Variants in ADGRV1 observed in about 807,000 individuals in gnomAD.
ADGRV1 encodes the protein adhesion G protein-coupled receptor V1, also known as G-protein coupled receptor 98.
ADGRV1 carries 359 observed loss-of-function variants against 596.2 expected under a neutral mutation model. That is an observed-to-expected ratio of 0.60 (90% confidence interval 0.55 to 0.66). The LOEUF (loss-of-function observed/expected upper bound fraction) is 0.66. ADGRV1 is among the 30% of genes least tolerant of loss of function. The probability of loss-of-function intolerance (pLI) is 0.00; values close to 1 mark genes in which losing one functional copy is unlikely to be tolerated. For missense variants in ADGRV1, 7,274 were observed against 7,575.6 expected, an observed-to-expected ratio of 0.96 and a Z score of 1.48; for synonymous variants, 2,681 against 2,679.2, an observed-to-expected ratio of 1.00 and a Z score of -0.02.
At chr5:90,986,636 G>A (rs1179800009) in intron 85 of ADGRV1, among the ~76,000 whole-genome samples, 2 of 150,990 alleles carry the variant, frequency 1.3e-5, no homozygotes, top group African/African-American at 4.9e-5. Context: ...TCTTTTTATT[G>A]AAATTCAAAA....
At chr5:90,840,480 G>GT in intron 77 of ADGRV1, 98 bp from the exon 78 acceptor site, 1 of 1,019,202 alleles carries the variant, frequency 9.8e-7, no homozygotes, top group Non-Finnish European at 1.4e-6. Context: ...CCTTCAGTTT[G>GT]TTTAAGAGAA....
intron 85 of ADGRV1, among the ~76,000 whole-genome samples, chr5:91,028,905 T>C (rs1581835017): frequency 6.6e-6 from 1 of 151,744 alleles, no homozygotes; most frequent in East Asian, 1.9e-4. Flanking sequence ...TGTGGCTAAG[T>C]TTTTTTTATT....
chr5:90,653,388 T>G lies in ADGRV1; in HGVS notation c.3814T>G (p.Leu1272Val). 1.2e-6 allele frequency: 2 copies of G among 1,613,972 alleles called. No individual in the cohort carries two copies. Among genetic ancestry groups the G allele is most frequent in the Non-Finnish European group, 1.7e-6 (2 of 1,179,884 alleles). The change falls in exon 20 of 90, where the codon TTG becomes GTG. Residue 1272 changes from leucine to valine, a missense_variant. Around this residue, in one of 5 missense-constraint regions of ADGRV1, gnomAD observed 1,715 missense variants for 1,708.8 expected, o/e 1.00. Coordinates refer to ENST00000405460, the MANE Select transcript of ADGRV1 (RefSeq NM_032119.4). ...GTCTTATATTACCAACTTCACCATT[T>G]TGAGGCAGCAGGGTGTGTTTGGTGA... Reference protein sequence around the residue: ...DMSYITNFTILRQQGVFGDVQ... With the variant: ...DMSYITNFTIVRQQGVFGDVQ...
Position 91,132,180 on chromosome 5 carries a change from A to G in ADGRV1, c.18433-17850A>G, listed in dbSNP as rs1794275682. 2.0e-5 allele frequency among the ~76,000 whole-genome samples: 3 copies of G among 152,324 alleles called. No homozygotes were observed. The East Asian group carries it at 5.8e-4, about 29-fold the overall frequency. On this transcript the variant is annotated intron_variant, in intron 87 of 89. Coordinates refer to ENST00000405460, the MANE Select transcript of ADGRV1 (RefSeq NM_032119.4). ...GATTCTTGACTCTCACTGGCTACCT[A>G]AATGATCATTTGTCATTAGTTTACT...
At chr5:90,777,758 G>A in intron 61 of ADGRV1, 147 bp from the exon 62 acceptor site, 1 of 681,174 alleles carries the variant, frequency 1.5e-6, no homozygotes. Flanking sequence ...GACTTCCTTT[G>A]GTTTATAGTT....
intron 1 of ADGRV1, among the ~76,000 whole-genome samples, chr5:90,578,185 G>A (rs555360953): frequency 6.8e-4 from 104 of 152,318 alleles, no homozygotes; most frequent in African/African-American, 2.5e-3. Context: ...TCCTTGTCTT[G>A]TGCTGGTTTT....
chr5:90,694,453 C>T lies in ADGRV1; in HGVS notation c.7697C>T (p.Ser2566Phe). Residue 2566 changes from serine (S) to phenylalanine (F), a missense_variant, in exon 33 of 90, where the codon TCT (serine) becomes TTT (phenylalanine). This residue lies in a region of ADGRV1 where 3,643 missense variants were observed against 3,809.2 expected (regional missense o/e 0.96). Transcript: ENST00000405460. ...NQPTIGQPNISTVVIALNGDA... is the reference protein window; with the variant it reads ...NQPTIGQPNIFTVVIALNGDA... ...CCAACCATAGGACAGCCAAATATTT[C>T]TACAGTTGTCATAGCACTAAATGGT... 6.2e-7 allele frequency: 1 copy of T among 1,613,964 alleles called. No individual in the cohort carries two copies. The highest frequency in any genetic ancestry group is 1.7e-5 in the Admixed American group (1 of 60,012).
At chr5:90,880,055 T>A (rs543119006) in intron 83 of ADGRV1, among the ~76,000 whole-genome samples, 6 of 152,282 alleles carry the variant, frequency 3.9e-5, no homozygotes, top group Admixed American at 2.0e-4. Context: ...AATGGTATTA[T>A]TAATAATATT....
At chr5:90,703,530 A>C in intron 34 of ADGRV1, 135 bp from the exon 35 acceptor site, 2 of 599,476 alleles carry the variant, frequency 3.3e-6, no homozygotes, top group Non-Finnish European at 5.6e-6. Context: ...TAGAAAATTC[A>C]AAACAAAACA....
intron 83 of ADGRV1, among the ~76,000 whole-genome samples, chr5:90,879,727 G>T (rs1308645429): frequency 6.6e-6 from 1 of 151,974 alleles, no homozygotes; most frequent in Non-Finnish European, 1.5e-5. Flanking sequence ...CAGGCAAATC[G>T]CTTGAGGTCA....
chr5:90,823,987 C>T (rs1325212776), intron 76 of ADGRV1, among the ~76,000 whole-genome samples: 1 of 152,094 alleles, frequency 6.6e-6, no homozygotes, highest in Non-Finnish European at 1.5e-5. Flanking sequence ...AATAAATGAA[C>T]ACATGCTTAA....
rs1554088550 is a variant in ADGRV1, at chr5:90,704,402, C to T, written c.8300C>T (p.Thr2767Ile). 1 of 1,572,574 alleles carries T rather than the reference C, an allele frequency of 6.4e-7. No individual in the cohort carries two copies. The highest frequency in any genetic ancestry group is 1.2e-5 in the South Asian group (1 of 84,514). Residue 2767 changes from threonine (T) to isoleucine (I), a missense_variant, in exon 36 of 90, where the codon ACA becomes ATA. Physicochemically the swap from Thr to Ile is moderately conservative, Grantham distance 89. Around this residue, in one of 5 missense-constraint regions of ADGRV1, gnomAD observed 3,643 missense variants for 3,809.2 expected, o/e 0.96. Transcript: ENST00000405460. ...QLFFPEGSLN[T>I]TLFVHLLDDN... is the part of the protein sequence containing the mutation. ...TGTATGACATAGGGGTCGTTGAATA[C>T]AACATTGTTTGTGCATTTGTTGGAT...
intron 85 of ADGRV1, among the ~76,000 whole-genome samples, chr5:91,029,825 A>G (rs1480648710): frequency 6.6e-6 from 1 of 152,132 alleles, no homozygotes; most frequent in Non-Finnish European, 1.5e-5. Context: ...TGATACAGTC[A>G]TATTAACCAA....
chr5:90,570,221 C>G (rs1032412348), intron 1 of ADGRV1, among the ~76,000 whole-genome samples: 15 of 152,058 alleles, frequency 9.9e-5, no homozygotes, highest in African/African-American at 3.6e-4. Flanking sequence ...CATATAGTAT[C>G]CTTGGTTTAT....
Position 90,829,195 on chromosome 5 carries a change from G to A in ADGRV1, c.16611+9G>A. The A allele has an allele frequency of 6.7e-7, 1 of 1,485,038 alleles. No homozygotes were observed. The highest frequency in any genetic ancestry group is 1.8e-4 in the Middle Eastern group (1 of 5,478). 92.0% of individuals were successfully genotyped at this position (1,485,038 alleles called of 1,614,324 possible). On this transcript the variant is annotated intron_variant, in intron 77 of 89. Coordinates refer to ENST00000405460, the MANE Select transcript of ADGRV1 (RefSeq NM_032119.4). ...TTAACTTTAGTACCCAGGTAAGCAT[G>A]GAATATATATATTCATACACGTTAT... is the stretch of plus-strand genomic sequence containing the variant.
At position 90,712,313 on chromosome 5, in the gene ADGRV1, G is replaced by A; in HGVS notation, c.9069G>A (p.Arg3023=). The change falls in exon 42 of 90, where the codon AGG becomes AGA. Residue 3023 remains arginine (R), a synonymous_variant. Coordinates refer to ENST00000405460, the MANE Select transcript of ADGRV1 (RefSeq NM_032119.4). ...TTCTTCATTTTGCTGATGGAGAAAG[G>A]TATAAAAATGTCAATATCATGATTC... ...PMILHFADGE[R]YKNVNIMILD... 6.4e-7 allele frequency: 1 copy of A among 1,551,138 alleles called. No individual in the cohort carries two copies. Among genetic ancestry groups the A allele is most frequent in the Non-Finnish European group, 8.7e-7 (1 of 1,144,052 alleles).
intron 83 of ADGRV1, among the ~76,000 whole-genome samples, chr5:90,907,027 G>A (rs1235769553): frequency 6.6e-6 from 1 of 152,110 alleles, no homozygotes; most frequent in African/African-American, 2.4e-5. Flanking sequence ...TAGTACACCA[G>A]CACTTAATTG....
Position 90,674,234 on chromosome 5 carries a change from G to A in ADGRV1, c.5110G>A (p.Gly1704Ser). Residue 1704 changes from glycine to serine, a missense_variant and splice_region_variant, in exon 23 of 90, where the codon GGC (glycine) becomes AGC (serine). By Grantham distance (56) the Gly-to-Ser change is moderately conservative. Transcript: ENST00000405460. ...ITIKASDHPY[G>S]LLQFSTGLPP... The stretch of plus-strand genomic sequence containing the variant: ...CATCAAAGCTAGTGATCATCCATAT[G>A]GTAACCTGCTCCTTTTGCAAGAAAA... 6.3e-7 allele frequency: 1 copy of A among 1,579,606 alleles called. No individual in the cohort carries two copies. Among genetic ancestry groups the A allele is most frequent in the South Asian group, 1.2e-5 (1 of 82,902 alleles).
chr5:90,729,788 C>G, intron 50 of ADGRV1, 24 bp downstream of exon 50: 1 of 1,608,978 alleles, frequency 6.2e-7, no homozygotes, highest in Non-Finnish European at 8.5e-7. Context: ...AACTGCTCAC[C>G]AATTCTAAAG....
Sources: gnomAD v4.1 joint callset for allele counts (sites outside exome capture counted in the v4.1 genomes callset) on GRCh38, gnomAD v4.1.1 for gene constraint, gnomAD v4.1.1 regional missense constraint, MANE v1.5 for transcripts, NCBI Gene and HGNC (gene_info 2026-07-23, HGNC 2026-07-21) for gene names.